TASP1: variants seen among roughly 807,000 people sequenced by gnomAD.
TASP1 encodes the protein threonine aspartase 1.
A neutral mutation model predicts 56.6 loss-of-function variants in TASP1; 16 were observed. That is an observed-to-expected ratio of 0.28 (90% CI 0.19 to 0.43). The LOEUF (loss-of-function observed/expected upper bound fraction) is 0.43, where lower values mean the gene tolerates loss of function less well. Among genes scored for constraint, TASP1 ranks in the 20% least tolerant of loss-of-function variants. The pLI, the probability that TASP1 is intolerant of heterozygous loss-of-function variation, is 1.00. For synonymous variants in TASP1, 179 were observed against 184.2 expected, an observed-to-expected ratio of 0.97 and a Z score of 0.23; for missense variants, 393 against 511.6, an observed-to-expected ratio of 0.77 and a Z score of 2.24.
At chr20:13,264,753 G>T in the TASP1 span, among the ~76,000 whole-genome samples, 1 of 152,180 alleles carries the variant, frequency 6.6e-6, no homozygotes, top group Non-Finnish European at 1.5e-5. Context: ...TCAGTATAAA[G>T]GACACAAGTG....
the TASP1 span, among the ~76,000 whole-genome samples, chr20:13,112,196 T>C: frequency 1.3e-5 from 2 of 152,222 alleles, no homozygotes; most frequent in African/African-American, 2.4e-5. Flanking sequence ...GTTGGAGGCC[T>C]CTCATGGAGG....
chr20:13,516,658 GTTT>G (rs34296221), intron 10 of TASP1, among the ~76,000 whole-genome samples: 22,818 of 124,824 alleles, frequency 0.18, 2,021 homozygotes, highest in Middle Eastern at 0.24. Flanking sequence ...TTACGCCTTT[GTTT>G]TTTTTTTTTT....
At chr20:13,249,886 CTT>C in the TASP1 span, among the ~76,000 whole-genome samples, 1 of 152,166 alleles carries the variant, frequency 6.6e-6, no homozygotes, top group Non-Finnish European at 1.5e-5. Context: ...TCTGCACTCT[CTT>C]TTCCTTTTTT....
chr20:13,353,922 C>T, the TASP1 span, among the ~76,000 whole-genome samples: 4 of 151,836 alleles, frequency 2.6e-5, no homozygotes, highest in South Asian at 4.2e-4. Flanking sequence ...AAAAGTAATA[C>T]GAAAGACACA....
the TASP1 span, among the ~76,000 whole-genome samples, chr20:13,301,535 A>C: frequency 6.6e-6 from 1 of 152,196 alleles, no homozygotes; most frequent in South Asian, 2.1e-4. Flanking sequence ...GGTATTGCCC[A>C]TTCTCAGAAT....
At chr20:13,565,513 T>C (rs57019830) in intron 7 of TASP1, among the ~76,000 whole-genome samples, 3,113 of 152,104 alleles carry the variant, frequency 0.02, 109 homozygotes, top group African/African-American at 0.07. Context: ...AAAACCCTGA[T>C]TGAAAAATAG....
the TASP1 span, among the ~76,000 whole-genome samples, chr20:13,311,548 C>G: frequency 6.6e-6 from 1 of 152,132 alleles, no homozygotes; most frequent in Non-Finnish European, 1.5e-5. Context: ...TGTTCATATA[C>G]AGATAAACAA....
chr20:13,215,177 C>A, the TASP1 span, among the ~76,000 whole-genome samples: 195 of 152,288 alleles, frequency 1.3e-3, no homozygotes, highest in Non-Finnish European at 2.5e-3. Flanking sequence ...GGGCTCTTGT[C>A]CTGATGCTGC....
chr20:13,480,000 T>C (rs6079080), intron 11 of TASP1, among the ~76,000 whole-genome samples: 2,051 of 152,334 alleles, frequency 0.013, 33 homozygotes, highest in Non-Finnish European at 0.022. Flanking sequence ...TCAACCTCCT[T>C]GCTTCTAGTC....
chr20:13,613,913 T>G (rs1043966762), intron 4 of TASP1, among the ~76,000 whole-genome samples: 4 of 152,126 alleles, frequency 2.6e-5, no homozygotes, highest in African/African-American at 9.7e-5. Flanking sequence ...TAAAAAAAAG[T>G]TCCTAAGGAA....
chr20:13,198,830 CTTT>C, the TASP1 span, among the ~76,000 whole-genome samples: 5 of 139,020 alleles, frequency 3.6e-5, no homozygotes, highest in East Asian at 2.1e-4. Context: ...TTCTTTCTTT[CTTT>C]CTTTCTTTCT....
At chr20:13,177,500 G>A in the TASP1 span, among the ~76,000 whole-genome samples, 30 of 152,250 alleles carry the variant, frequency 2.0e-4, no homozygotes, top group Non-Finnish European at 4.3e-4. Context: ...CACACTGCCA[G>A]ACATCAAAAT....
At chr20:13,472,605 C>A (rs908722360) in intron 11 of TASP1, among the ~76,000 whole-genome samples, 1 of 150,852 alleles carries the variant, frequency 6.6e-6, no homozygotes, top group Admixed American at 6.6e-5. Flanking sequence ...GGCTAATATC[C>A]AGAATCTACA....
the TASP1 span, among the ~76,000 whole-genome samples, chr20:13,188,934 C>T: frequency 1.3e-5 from 2 of 152,314 alleles, no homozygotes; most frequent in Non-Finnish European, 2.9e-5. Context: ...TCTTCAACCA[C>T]TCATAGACTG....
the TASP1 span, among the ~76,000 whole-genome samples, chr20:13,112,377 A>G: frequency 6.6e-6 from 1 of 152,112 alleles, no homozygotes; most frequent in Non-Finnish European, 1.5e-5. Flanking sequence ...CTCCCTTACA[A>G]CGTGGTGCTG....
chr20:13,394,540 A>T (rs966700429), intron 13 of TASP1, among the ~76,000 whole-genome samples: 1 of 151,974 alleles, frequency 6.6e-6, no homozygotes, highest in African/African-American at 2.4e-5. Context: ...TGAACCCTGG[A>T]GGCGGAGCTT....
chr20:13,214,413 A>C, the TASP1 span, among the ~76,000 whole-genome samples: 1 of 151,940 alleles, frequency 6.6e-6, no homozygotes, highest in Non-Finnish European at 1.5e-5. Flanking sequence ...TCTGCTTCTG[A>C]GAATAGGCAG....
chr20:13,403,760 C>T (rs58129464), intron 13 of TASP1, among the ~76,000 whole-genome samples: 13,289 of 152,064 alleles, frequency 0.087, 1,064 homozygotes, highest in African/African-American at 0.22. Context: ...TGTGCCCCTG[C>T]AGTCCTAGTT....
the TASP1 span, among the ~76,000 whole-genome samples, chr20:13,252,938 T>C: frequency 6.6e-6 from 1 of 152,132 alleles, no homozygotes; most frequent in African/African-American, 2.4e-5. Context: ...CAGCCCCCCC[T>C]CTCAGATCTC....
Sources: gnomAD v4.1 joint callset for allele counts (sites outside exome capture counted in the v4.1 genomes callset) on GRCh38, gnomAD v4.1.1 for gene constraint, MANE v1.5 for transcripts, NCBI Gene and HGNC (gene_info 2026-07-23, HGNC 2026-07-21) for gene names.